Variants in VAV2 observed in about 807,000 individuals in gnomAD.
VAV2 encodes guanine nucleotide exchange factor VAV2.
VAV2 carries 67 observed loss-of-function variants against 132.5 expected under a neutral mutation model. The observed-to-expected ratio is 0.51, with a 90% confidence interval of 0.42 to 0.62. VAV2 has a LOEUF of 0.62. Among genes scored for constraint, VAV2 ranks in the 20% least tolerant of loss-of-function variants. The pLI is 0.00. For synonymous variants in VAV2, 492 were observed against 443.5 expected, an observed-to-expected ratio of 1.11 and a Z score of -1.37; for missense variants, 938 against 1,153.6, an observed-to-expected ratio of 0.81 and a Z score of 2.71.
At chr9:133,810,154 G>A (rs751614111) in intron 6 of VAV2, 37 bp downstream of exon 6, 3 of 1,612,574 alleles carry the variant, frequency 1.9e-6, no homozygotes, top group South Asian at 1.1e-5. Context: ...GACGGCGCAG[G>A]CAGGACGTCC....
intron 13 of VAV2, among the ~76,000 whole-genome samples, chr9:133,789,886 G>A (rs1039976353): frequency 1.3e-5 from 2 of 152,220 alleles, no homozygotes; most frequent in African/African-American, 2.4e-5. Flanking sequence ...TGTTCCCTGC[G>A]TGGCTTTCAA....
At chr9:133,897,756 C>T (rs2131999225) in intron 2 of VAV2, among the ~76,000 whole-genome samples, 1 of 152,260 alleles carries the variant, frequency 6.6e-6, no homozygotes, top group South Asian at 2.1e-4. Flanking sequence ...TAATGCCAGA[C>T]CATGACCATG....
At chr9:133,849,355 C>A (rs1312252841) in intron 3 of VAV2, among the ~76,000 whole-genome samples, 1 of 152,150 alleles carries the variant, frequency 6.6e-6, no homozygotes, top group Non-Finnish European at 1.5e-5. Context: ...GCCGGGAGTT[C>A]TCGTGGATGC....
intron 4 of VAV2, among the ~76,000 whole-genome samples, chr9:133,832,497 T>A (rs1159971448): frequency 6.6e-6 from 1 of 152,178 alleles, no homozygotes; most frequent in Admixed American, 6.5e-5. Context: ...AGGGTTGAGA[T>A]GGACAGTCCC....
intron 1 of VAV2, among the ~76,000 whole-genome samples, chr9:133,949,981 G>A (rs1841501538): frequency 6.6e-6 from 1 of 152,178 alleles, no homozygotes. Flanking sequence ...CCCAGCCGGT[G>A]AGAACCAGCA....
rs941244125 is a variant in VAV2, at chr9:133,884,609, G to A, written c.322-23177C>T. On this transcript the variant is annotated intron_variant, in intron 2 of 29. Coordinates refer to ENST00000371850, the MANE Select transcript of VAV2 (RefSeq NM_001134398.2). This position sits in a 1 kb window ranked among gnomAD's most constrained non-coding sequence, Gnocchi z 5.3. ...TTTATGGAACATCAGCAAGCTGACC[G>A]CTTGGCACAGCTGCCTTTTTCTATA... Among the ~76,000 whole-genome samples, 27 of 152,146 alleles carry A rather than the reference G, an allele frequency of 1.8e-4. No homozygotes were observed. Among genetic ancestry groups the A allele is most frequent in the African/African-American group, 5.6e-4 (23 of 41,424 alleles).
At chr9:133,887,739 T>A (rs1838769501) in intron 2 of VAV2, among the ~76,000 whole-genome samples, 1 of 152,086 alleles carries the variant, frequency 6.6e-6, no homozygotes, top group South Asian at 2.1e-4. Context: ...ACGGCCAGCC[T>A]GACACGGCGA....
chr9:133,991,077 G>A lies in VAV2; in HGVS notation c.204+998C>T, dbSNP rs1037341361. On this transcript the variant is annotated intron_variant, in intron 1 of 29. Coordinates refer to ENST00000371850, the MANE Select transcript of VAV2 (RefSeq NM_001134398.2). This position sits in a 1 kb window ranked among gnomAD's most constrained non-coding sequence, Gnocchi z 4.8. ...GAACCACGTCCTAAGTCCCACTGGT[G>A]AATGGTCCCTCTCCACATGGAGTTG... Among the ~76,000 whole-genome samples the A allele has an allele frequency of 6.6e-6, 1 of 152,186 alleles. No individual in the cohort carries two copies. Among genetic ancestry groups the A allele is most frequent in the Non-Finnish European group, 1.5e-5 (1 of 68,036 alleles).
chr9:133,795,291 G>A (rs948957399), intron 12 of VAV2, among the ~76,000 whole-genome samples: 32 of 152,198 alleles, frequency 2.1e-4, no homozygotes, highest in African/African-American at 6.5e-4. Context: ...GTAGCTGAGA[G>A]ATGGCACCGG....
intron 2 of VAV2, among the ~76,000 whole-genome samples, chr9:133,881,291 G>A (rs778380026): frequency 4.6e-5 from 7 of 152,268 alleles, no homozygotes; most frequent in Non-Finnish European, 8.8e-5. Flanking sequence ...GCGGAGCGCA[G>A]ACGTGGGACA....
At chr9:133,905,520 G>A (rs1344957591) in intron 2 of VAV2, among the ~76,000 whole-genome samples, 1 of 151,738 alleles carries the variant, frequency 6.6e-6, no homozygotes, top group Non-Finnish European at 1.5e-5. Flanking sequence ...GCCATCCTGA[G>A]CCCAACATGC....
intron 11 of VAV2, 53 bp downstream of exon 11, chr9:133,796,376 C>T: frequency 6.5e-7 from 1 of 1,530,446 alleles, no homozygotes; most frequent in Non-Finnish European, 8.9e-7. Flanking sequence ...TGCCAGCCCT[C>T]ATCTGACTCC....
At position 133,820,425 on chromosome 9, in the gene VAV2, G is replaced by A. The variant is rs150465402; in HGVS notation, c.450-8209C>T. 7.3e-3 allele frequency among the ~76,000 whole-genome samples: 1,099 copies of A among 150,834 alleles called. 17 individuals are homozygous for A. Among genetic ancestry groups the A allele is most frequent in the African/African-American group, 0.024 (998 of 40,888 alleles). On this transcript the variant is annotated intron_variant, in intron 4 of 29. Transcript: ENST00000371850. ...TGCAGGCTCTGCCTCCGGGGTTCAC[G>A]CCTTTCTCCTGCCTCAGCCTCCCAA...
intron 2 of VAV2, among the ~76,000 whole-genome samples, chr9:133,865,649 C>T (rs989939162): frequency 3.3e-5 from 5 of 151,906 alleles, no homozygotes; most frequent in South Asian, 2.1e-4. Context: ...TCCTTTTTTC[C>T]GAGAATAGAA....
At chr9:133,842,721 G>A (rs1408750429) in intron 3 of VAV2, among the ~76,000 whole-genome samples, 1 of 152,240 alleles carries the variant, frequency 6.6e-6, no homozygotes, top group Non-Finnish European at 1.5e-5. Flanking sequence ...ACACCACCAG[G>A]TGCAGTGGCA....
Position 133,794,414 on chromosome 9 carries a change from T to A in VAV2, c.1101+1254A>T, listed in dbSNP as rs1309824620. Among the ~76,000 whole-genome samples, 1 of 152,028 alleles carries A rather than the reference T, an allele frequency of 6.6e-6. No individual in the cohort carries two copies. The highest frequency in any genetic ancestry group is 6.5e-5 in the Admixed American group (1 of 15,270). ...TGCCCACACACGAGTGCCCACAGGATTTGGAGTAAATTTCTCCCCGAGCAC... is the reference window on the plus strand; with the variant it reads ...TGCCCACACACGAGTGCCCACAGGAATTGGAGTAAATTTCTCCCCGAGCAC... On this transcript the variant is annotated intron_variant, in intron 12 of 29. Transcript: ENST00000371850. This position sits in a 1 kb window ranked among gnomAD's most constrained non-coding sequence, Gnocchi z 4.6.
chr9:133,886,293 T>A (rs964452127), intron 2 of VAV2, among the ~76,000 whole-genome samples: 4 of 152,210 alleles, frequency 2.6e-5, no homozygotes, highest in African/African-American at 9.6e-5. Flanking sequence ...CAGAGGCATC[T>A]GAGCAGTGGC....
intron 1 of VAV2, among the ~76,000 whole-genome samples, chr9:133,989,095 T>C (rs563627383): frequency 6.6e-6 from 1 of 151,746 alleles, no homozygotes; most frequent in Non-Finnish European, 1.5e-5. Context: ...TCCCAACACT[T>C]TGGGAGGCCG....
intron 24 of VAV2, among the ~76,000 whole-genome samples, chr9:133,775,378 G>A (rs1833777324): frequency 6.6e-6 from 1 of 152,216 alleles, no homozygotes; most frequent in Non-Finnish European, 1.5e-5. Flanking sequence ...TGCCAGAGGA[G>A]TTCAGCGTAT....
Sources: gnomAD v4.1 joint callset for allele counts (sites outside exome capture counted in the v4.1 genomes callset) on GRCh38, gnomAD v4.1.1 for gene constraint, Gnocchi (gnomAD v3.1) non-coding constraint, MANE v1.5 for transcripts, NCBI Gene and HGNC (gene_info 2026-07-23, HGNC 2026-07-21) for gene names.